Variants in PCDH7 observed in about 807,000 individuals in gnomAD.
PCDH7 encodes the protein protocadherin 7, also known as protocadherin-7.
Under a neutral mutation model 58.9 loss-of-function variants are expected in PCDH7, and 17 were observed. That is an observed-to-expected ratio of 0.29 (90% CI 0.20 to 0.43). PCDH7 has a LOEUF of 0.43. Among genes scored for constraint, PCDH7 ranks in the 20% least tolerant of loss-of-function variants. The pLI is 1.00. For missense variants in PCDH7, 1,274 were observed against 1,441.0 expected, an observed-to-expected ratio of 0.88 and a Z score of 1.88; for synonymous variants, 664 against 616.4, an observed-to-expected ratio of 1.08 and a Z score of -1.14.
chr4:31,068,599 A>G (rs1307927780), intron 3 of PCDH7, among the ~76,000 whole-genome samples: 1 of 152,006 alleles, frequency 6.6e-6, no homozygotes, highest in Non-Finnish European at 1.5e-5. Flanking sequence ...CCAATTCTCT[A>G]TAATAACCCA....
intron 1 of PCDH7, among the ~76,000 whole-genome samples, chr4:30,827,367 G>A (rs1057392466): frequency 5.9e-5 from 9 of 152,244 alleles, no homozygotes; most frequent in African/African-American, 2.2e-4. Context: ...CATAGTGGAA[G>A]GGCTGGGACA....
At chr4:30,898,729 T>C (rs940018077) in intron 1 of PCDH7, among the ~76,000 whole-genome samples, 1 of 152,180 alleles carries the variant, frequency 6.6e-6, no homozygotes, top group Non-Finnish European at 1.5e-5. Flanking sequence ...TAGCTGGGAC[T>C]ACAGGCGCCC....
At chr4:30,946,739 G>A (rs1746737195) in intron 2 of PCDH7, among the ~76,000 whole-genome samples, 1 of 114,216 alleles carries the variant, frequency 8.8e-6, no homozygotes, top group Non-Finnish European at 1.9e-5. Context: ...ACAGAGTCCT[G>A]CTCTGTCACC....
chr4:30,762,681 T>C (rs927544492), intron 1 of PCDH7, among the ~76,000 whole-genome samples: 2 of 152,224 alleles, frequency 1.3e-5, no homozygotes, highest in African/African-American at 4.8e-5. Flanking sequence ...AGCATTAGTC[T>C]TCTATTATTA....
At chr4:30,792,576 T>A (rs1482229140) in intron 1 of PCDH7, among the ~76,000 whole-genome samples, 1 of 152,162 alleles carries the variant, frequency 6.6e-6, no homozygotes, top group Non-Finnish European at 1.5e-5. Context: ...AAAATGAACG[T>A]CTTAGCCTAT....
Position 30,797,014 on chromosome 4 carries a change from G to A in PCDH7, c.70+72418G>A, listed in dbSNP as rs148102778. On this transcript the variant is annotated intron_variant, in intron 1 of 3. Transcript: ENST00000509759. The stretch of plus-strand genomic sequence containing the variant: ...CTGACTCAGTAGCCCAAGGTGGAGT[G>A]CAGTGGTGCGATCTCGGCTCACTGC... Among the ~76,000 whole-genome samples, 872 of 151,718 alleles carry A rather than the reference G, an allele frequency of 5.7e-3. 12 individuals are homozygous for A. The highest frequency in any genetic ancestry group is 0.02 in the African/African-American group (808 of 41,332).
At chr4:30,882,007 A>T (rs1390193573) in intron 1 of PCDH7, among the ~76,000 whole-genome samples, 1 of 152,098 alleles carries the variant, frequency 6.6e-6, no homozygotes, top group Non-Finnish European at 1.5e-5. Context: ...CTTATTGTAG[A>T]TGTCACAATT....
intron 3 of PCDH7, among the ~76,000 whole-genome samples, chr4:31,109,008 C>A (rs1715951982): frequency 6.6e-6 from 1 of 152,178 alleles, no homozygotes; most frequent in Admixed American, 6.5e-5. Flanking sequence ...CTGAACTCTT[C>A]CATTTGTCCT....
At chr4:31,073,400 A>G (rs946110383) in intron 3 of PCDH7, among the ~76,000 whole-genome samples, 1 of 152,204 alleles carries the variant, frequency 6.6e-6, no homozygotes, top group East Asian at 1.9e-4. Context: ...TGTGTCAATC[A>G]TTACAAAGAA....
At chr4:31,125,557 T>G (rs1027059594) in intron 3 of PCDH7, among the ~76,000 whole-genome samples, 13 of 152,218 alleles carry the variant, frequency 8.5e-5, no homozygotes, top group African/African-American at 2.7e-4. Context: ...GCAAGTGATA[T>G]GCATTCTGTA....
intron 1 of PCDH7, among the ~76,000 whole-genome samples, chr4:30,842,363 A>C (rs1455748101): frequency 6.6e-6 from 1 of 152,142 alleles, no homozygotes; most frequent in Non-Finnish European, 1.5e-5. Flanking sequence ...TCTGGGGTTC[A>C]TATCTTTTTA....
intron 1 of PCDH7, among the ~76,000 whole-genome samples, chr4:30,808,288 A>T (rs1002715878): frequency 6.6e-6 from 1 of 152,206 alleles, no homozygotes; most frequent in Non-Finnish European, 1.5e-5. Flanking sequence ...TTCTTAATGG[A>T]TTTGTTAAGA....
chr4:30,978,631 A>G (rs1260969294), intron 3 of PCDH7, among the ~76,000 whole-genome samples: 1 of 152,206 alleles, frequency 6.6e-6, no homozygotes, highest in East Asian at 1.9e-4. Flanking sequence ...AAATATTGGA[A>G]TGATAGTATT....
chr4:30,729,001 T>C (rs551709555), intron 1 of PCDH7, among the ~76,000 whole-genome samples: 276 of 152,014 alleles, frequency 1.8e-3, no homozygotes, highest in Non-Finnish European at 3.6e-3. Context: ...AAATATACTA[T>C]AATCAACAGC....
chr4:31,029,450 G>T (rs555400573), intron 3 of PCDH7, among the ~76,000 whole-genome samples: 15 of 152,274 alleles, frequency 9.9e-5, no homozygotes, highest in African/African-American at 3.6e-4. Context: ...GATTAGAGTG[G>T]GTTCTGAGTG....
At chr4:31,063,693 C>A (rs1015172781) in intron 3 of PCDH7, among the ~76,000 whole-genome samples, 1 of 151,828 alleles carries the variant, frequency 6.6e-6, no homozygotes, top group Non-Finnish European at 1.5e-5. Context: ...TAAGGGAATG[C>A]ATATTCAAAT....
At chr4:30,815,939 C>CT (rs1304657346) in intron 1 of PCDH7, among the ~76,000 whole-genome samples, 1 of 152,174 alleles carries the variant, frequency 6.6e-6, no homozygotes, top group Non-Finnish European at 1.5e-5. Context: ...GCTACCAACT[C>CT]TAAGAGTATC....
At chr4:30,946,526 CT>C (rs113948298) in intron 2 of PCDH7, among the ~76,000 whole-genome samples, 61,880 of 150,730 alleles carry the variant, frequency 0.41, 12,881 homozygotes, top group African/African-American at 0.47. Flanking sequence ...TTTCCATAAA[CT>C]TTTTTTTTTC....
At chr4:31,121,785 A>G (rs1717720094) in intron 3 of PCDH7, among the ~76,000 whole-genome samples, 3 of 152,190 alleles carry the variant, frequency 2.0e-5, no homozygotes, top group Admixed American at 6.5e-5. Context: ...TAGCATAATG[A>G]TAGTAACTTG....
Sources: allele counts gnomAD v4.1 joint callset (sites outside exome capture counted in the v4.1 genomes callset), GRCh38; gene constraint gnomAD v4.1.1; transcripts MANE v1.5; gene names NCBI Gene and HGNC (gene_info 2026-07-23, HGNC 2026-07-21).